The following NDUFS1 variants were observed in gnomAD, a reference collection of about 807,000 sequenced individuals.
NDUFS1 encodes the protein NADH-ubiquinone oxidoreductase 75 kDa subunit, mitochondrial.
Under a neutral mutation model 84.4 loss-of-function variants are expected in NDUFS1, and 61 were observed. That is an observed-to-expected ratio of 0.72 (90% CI 0.59 to 0.89). The LOEUF (loss-of-function observed/expected upper bound fraction) is 0.89, where lower values mean the gene tolerates loss of function less well. Ranked by LOEUF, NDUFS1 falls within the 40% of genes least tolerant of loss-of-function variation. The pLI is 0.00. For synonymous variants in NDUFS1, 275 were observed against 290.0 expected (o/e 0.95, Z 0.53); for missense variants, 891 against 890.0 (o/e 1.00, Z -0.01).
chr2:206,138,332 C>T (rs1443018587), intron 13 of NDUFS1, among the ~76,000 whole-genome samples, 153 bp downstream of exon 13: 1 of 152,304 alleles, frequency 6.6e-6, no homozygotes, highest in East Asian at 1.9e-4. Context: ...CCACCTGCCT[C>T]GGACTCCCAA....
At chr2:206,147,170 T>C in intron 7 of NDUFS1, 82 bp from the exon 8 acceptor site, 1 of 1,358,402 alleles carries the variant, frequency 7.4e-7, no homozygotes, top group Non-Finnish European at 1.1e-6. Flanking sequence ...AAGAGATGAT[T>C]TTCCAAACAC....
rs964501226 is a variant in NDUFS1, at chr2:206,123,066, A to G, written c.*1119T>C. ...TAAAAAAAAAAATTATCTATTTTTAATTATCTCCTAATTGTAAAATTTTTA... is the reference window on the plus strand; with the variant it reads ...TAAAAAAAAAAATTATCTATTTTTAGTTATCTCCTAATTGTAAAATTTTTA... On this transcript the variant is annotated 3_prime_UTR_variant, in exon 19 of 19. Transcript: ENST00000233190. 10 of 152,124 alleles carry G rather than the reference A, an allele frequency of 6.6e-5. No homozygotes were observed. The highest frequency in any genetic ancestry group is 3.9e-4 in the Admixed American group (6 of 15,256). 9.4% of individuals were successfully genotyped at this position (152,124 alleles called of 1,614,324 possible). A position where few individuals can be genotyped will look rare whatever the true frequency, so the allele number is the denominator to read the frequency against.
chr2:206,128,089 A>T (rs1691363144), intron 15 of NDUFS1, 117 bp from the exon 16 acceptor site: 5 of 1,161,282 alleles, frequency 4.3e-6, no homozygotes, highest in Non-Finnish European at 6.3e-6. Context: ...AAAGTTTTTA[A>T]AACTAAAATG....
intron 10 of NDUFS1, among the ~76,000 whole-genome samples, chr2:206,143,095 T>G (rs954394347): frequency 5.3e-5 from 8 of 151,974 alleles, no homozygotes; most frequent in African/African-American, 1.9e-4. Flanking sequence ...CTACTAATAA[T>G]ACAAAAATCA....
rs904987472 is a variant in NDUFS1, at chr2:206,118,227, A to G, written c.*5958T>C. ...GTTCTCTTAAAATCTGTGATCTGAAATCTAGTCAGTTTTCTCATTAACATC... is the reference window on the plus strand; with the variant it reads ...GTTCTCTTAAAATCTGTGATCTGAAGTCTAGTCAGTTTTCTCATTAACATC... On this transcript the variant is annotated 3_prime_UTR_variant, in exon 19 of 19. Transcript: ENST00000233190. The G allele has an allele frequency of 6.6e-6, 1 of 152,220 alleles. No homozygotes were observed. The highest frequency in any genetic ancestry group is 2.4e-5 in the African/African-American group (1 of 41,458). 9.4% of individuals were successfully genotyped at this position (152,220 alleles called of 1,614,324 possible).
chr2:206,154,443 A>T (rs1241901430), intron 1 of NDUFS1, among the ~76,000 whole-genome samples: 1 of 152,204 alleles, frequency 6.6e-6, no homozygotes, highest in African/African-American at 2.4e-5. Flanking sequence ...TGGCTATTCT[A>T]CAATGTACAG....
chr2:206,138,643 A>G, intron 12 of NDUFS1, 29 bp from the exon 13 acceptor site: 1 of 1,611,782 alleles, frequency 6.2e-7, no homozygotes, highest in South Asian at 1.1e-5. Context: ...TTTAAGAAGT[A>G]AATAACTAAG....
chr2:206,137,594 A>G (rs936311300), intron 13 of NDUFS1, among the ~76,000 whole-genome samples: 5 of 152,190 alleles, frequency 3.3e-5, no homozygotes, highest in African/African-American at 1.2e-4. Flanking sequence ...GGGGGGAAAA[A>G]AAAGTCTGAC....
intron 5 of NDUFS1, among the ~76,000 whole-genome samples, chr2:206,148,647 T>C (rs1168202105): frequency 1.3e-5 from 2 of 152,162 alleles, no homozygotes. Context: ...ATTGTAACTT[T>C]TAACAATACC....
intron 1 of NDUFS1, chr2:206,159,031 C>T (rs917690677): frequency 5.9e-6 from 9 of 1,514,168 alleles, no homozygotes; most frequent in African/African-American, 1.4e-5. Flanking sequence ...ATAAAACGGC[C>T]TCCTCCTCTG....
chr2:206,142,623 T>G, intron 11 of NDUFS1, 63 bp downstream of exon 11: 1 of 1,597,152 alleles, frequency 6.3e-7, no homozygotes, highest in South Asian at 1.1e-5. Context: ...TTGTCACATT[T>G]TATACATAAC....
At chr2:206,141,759 G>A (rs1001475031) in intron 12 of NDUFS1, among the ~76,000 whole-genome samples, 182 bp downstream of exon 12, 2 of 147,108 alleles carry the variant, frequency 1.4e-5, no homozygotes, top group Non-Finnish European at 3.0e-5. Context: ...TCCTGCCACT[G>A]CACTCCAGCC....
chr2:206,137,319 C>CCCCGTCTCTACT (rs1389682448), intron 13 of NDUFS1, among the ~76,000 whole-genome samples: 1 of 151,852 alleles, frequency 6.6e-6, no homozygotes, highest in East Asian at 1.9e-4. Context: ...ACTAAAAATA[C>CCCCGTCTCTACT]AAAAATTAGC....
rs1690946882 is a variant in NDUFS1, at chr2:206,116,495, C to T, written c.*7690G>A. 1.6e-6 allele frequency: 2 copies of T among 1,213,484 alleles called. No individual in the cohort carries two copies. The highest frequency in any genetic ancestry group is 1.5e-5 in the African/African-American group (1 of 66,812). The allele number at this position is 1,213,484 out of a possible 1,614,324, so 75.2% of individuals were successfully genotyped here. On this transcript the variant is annotated 3_prime_UTR_variant, in exon 19 of 19. Transcript: ENST00000233190. ...CCCGCACGCTCCGCACCACTCGCAG[C>T]GCCATGTTCCCAGGGGTGCGGGGAT...
Position 206,127,960 on chromosome 2 carries a change from T to A in NDUFS1, c.1721A>T (p.Asp574Val). The A allele has an allele frequency of 1.2e-6, 2 of 1,614,106 alleles. No homozygotes were observed. Among genetic ancestry groups the A allele is most frequent in the Non-Finnish European group, 1.7e-6 (2 of 1,180,008 alleles). ...AACATCAGCTATGGGAGCCCCAACA[T>A]CACCATGATGTCCTGCACAAAGATG... ...CFIIYQGHHG[D>V]VGAPIADVIL... is the part of the protein sequence containing the mutation. Residue 574 changes from aspartate to valine, a missense_variant, in exon 16 of 19, where the codon GAT becomes GTT. By Grantham distance (152) the Asp-to-Val change is radical (BLOSUM62 -3). Transcript: ENST00000233190.
chr2:206,157,943 T>C (rs755177275), intron 1 of NDUFS1, among the ~76,000 whole-genome samples: 4 of 149,874 alleles, frequency 2.7e-5, no homozygotes, highest in Non-Finnish European at 4.4e-5. Flanking sequence ...CATCACTCCT[T>C]GCCTGGAGTA....
In NDUFS1 at chr2:206,151,454, G is replaced by A. The variant is rs569852489; in HGVS notation, c.153+965C>T. Among the ~76,000 whole-genome samples the A allele has an allele frequency of 5.3e-5, 8 of 152,264 alleles. No homozygotes were observed. The South Asian group carries it at 1.7e-3, about 32-fold the overall frequency. The stretch of plus-strand genomic sequence containing the variant: ...TAACACCTCCTCAGGGATGACCTGA[G>A]GCACCCAATACCTCTTTCTACTACC... On this transcript the variant is annotated intron_variant, in intron 3 of 18. Transcript: ENST00000233190.
chr2:206,135,182 C>T (rs1294610242), intron 13 of NDUFS1, among the ~76,000 whole-genome samples: 1 of 151,824 alleles, frequency 6.6e-6, no homozygotes, highest in African/African-American at 2.4e-5. Flanking sequence ...CCATGCCAAG[C>T]AAATTGGGGT....
chr2:206,146,503 A>G (rs948977018), intron 8 of NDUFS1, among the ~76,000 whole-genome samples: 20 of 152,236 alleles, frequency 1.3e-4, no homozygotes, highest in African/African-American at 4.1e-4. Context: ...GTAAACAGCA[A>G]TATTTTTTAC....
Sources: gnomAD v4.1 joint callset for allele counts (sites outside exome capture counted in the v4.1 genomes callset) on GRCh38, gnomAD v4.1.1 for gene constraint, MANE v1.5 for transcripts, NCBI Gene and HGNC (gene_info 2026-07-23, HGNC 2026-07-21) for gene names.